PTER: variants seen among roughly 807,000 people sequenced by gnomAD.
PTER encodes the protein phosphotriesterase related, also known as N-acetyltaurine hydrolase.
PTER carries 38 observed loss-of-function variants against 29.6 expected under a neutral mutation model. The observed-to-expected ratio is 1.28, with a 90% confidence interval of 0.99 to 1.68. The LOEUF is 1.68. PTER is among the 40% of genes most tolerant of loss of function. The pLI, the probability that PTER is intolerant of heterozygous loss-of-function variation, is 0.00. For synonymous variants in PTER, 172 were observed against 154.5 expected, an observed-to-expected ratio of 1.11 and a Z score of -0.84; for missense variants, 482 against 427.8, an observed-to-expected ratio of 1.13 and a Z score of -1.12.
chr10:16,517,583 T>G (rs578065971), downstream of PTER, among the ~76,000 whole-genome samples: 1 of 152,296 alleles, frequency 6.6e-6, no homozygotes, highest in East Asian at 1.9e-4. Flanking sequence ...GTAAAGCTAT[T>G]TGAGTTGAAC....
chr10:16,487,641 C>T (rs1835753338), intron 3 of PTER, among the ~76,000 whole-genome samples: 1 of 152,114 alleles, frequency 6.6e-6, no homozygotes, highest in South Asian at 2.1e-4. Flanking sequence ...GCATAGGGGA[C>T]AGTAAAATGA....
rs1398812032 is a variant in PTER at position 16,513,456 on chromosome 10, ATATG to A, written c.*2202_*2205del. On this transcript the variant is annotated 3_prime_UTR_variant, in exon 5 of 5. Transcript: ENST00000535784. ...AAATAAAACATTTCATCTAATATATATATGTGTGTGTGAGTATATGTGTGCATGT... is the reference window on the plus strand; with the variant it reads ...AAATAAAACATTTCATCTAATATATATGTGTGTGAGTATATGTGTGCATGT... 5.3e-5 allele frequency: 8 copies of A among 150,832 alleles called. No homozygotes were observed. Among genetic ancestry groups the A allele is most frequent in the Non-Finnish European group, 8.9e-5 (6 of 67,546 alleles). 9.3% of individuals were successfully genotyped at this position (150,832 alleles called of 1,614,324 possible). A position where few individuals can be genotyped will look rare whatever the true frequency, so the allele number is the denominator to read the frequency against.
chr10:16,455,901 A>G (rs192952864), intron 1 of PTER, among the ~76,000 whole-genome samples: 20 of 152,330 alleles, frequency 1.3e-4, no homozygotes, highest in Non-Finnish European at 2.2e-4. Context: ...CACTTAGAGA[A>G]CACATCTTTA....
intron 2 of PTER, 54 bp from the exon 3 acceptor site, chr10:16,486,298 T>C: frequency 1.3e-6 from 2 of 1,482,860 alleles, no homozygotes; most frequent in Non-Finnish European, 1.8e-6. Flanking sequence ...GTGGTGGATC[T>C]ATTTTGATAA....
chr10:16,485,983 A>G (rs909271964), intron 2 of PTER, among the ~76,000 whole-genome samples: 5 of 152,116 alleles, frequency 3.3e-5, no homozygotes, highest in Admixed American at 6.6e-5. Context: ...CGGGACATAG[A>G]TTCAATTCAT....
chr10:16,518,113 C>T (rs1285583666), downstream of PTER, among the ~76,000 whole-genome samples: 1 of 152,134 alleles, frequency 6.6e-6, no homozygotes, highest in African/African-American at 2.4e-5. Flanking sequence ...GAGAGGGAAC[C>T]TGCCATTCTA....
intron 3 of PTER, among the ~76,000 whole-genome samples, chr10:16,496,899 C>T (rs2133480096): frequency 6.6e-6 from 1 of 151,720 alleles, no homozygotes; most frequent in Non-Finnish European, 1.5e-5. Context: ...GAACAGCAAG[C>T]TCCCTTTTTG....
At chr10:16,480,914 A>C (rs1835458298) in intron 1 of PTER, among the ~76,000 whole-genome samples, 1 of 152,252 alleles carries the variant, frequency 6.6e-6, no homozygotes, top group African/African-American at 2.4e-5. Context: ...TGCGTATTTT[A>C]AATAAGACAA....
chr10:16,496,213 G>T (rs1389790582), intron 3 of PTER, among the ~76,000 whole-genome samples: 1 of 152,050 alleles, frequency 6.6e-6, no homozygotes, highest in Non-Finnish European at 1.5e-5. Context: ...CTTAGTTTTG[G>T]TCCCAGATCT....
chr10:16,467,501 A>G (rs1470998514), intron 1 of PTER, among the ~76,000 whole-genome samples: 1 of 152,218 alleles, frequency 6.6e-6, no homozygotes, highest in African/African-American at 2.4e-5. Flanking sequence ...AGTTGGGTAC[A>G]GAATAATAAT....
At chr10:16,516,502 T>C (rs998081705), downstream of PTER, among the ~76,000 whole-genome samples, 90 of 152,212 alleles carry the variant, frequency 5.9e-4, no homozygotes, top group African/African-American at 2.1e-3. Context: ...ATATTAGTAA[T>C]ACATTAGTTA....
At chr10:16,516,282 A>G (rs1836950075), downstream of PTER, among the ~76,000 whole-genome samples, 1 of 152,194 alleles carries the variant, frequency 6.6e-6, no homozygotes, top group African/African-American at 2.4e-5. Flanking sequence ...TTTGACCATT[A>G]AATAATGACG....
intron 1 of PTER, chr10:16,437,423 C>G (rs1158984846): frequency 2.0e-5 from 3 of 151,610 alleles, no homozygotes; most frequent in Non-Finnish European, 4.4e-5. Context: ...ACTGCAGCCT[C>G]GACCTCCTGA....
chr10:16,480,556 G>T (rs1055143404), intron 1 of PTER, among the ~76,000 whole-genome samples: 2 of 152,100 alleles, frequency 1.3e-5, no homozygotes, highest in African/African-American at 4.8e-5. Context: ...CAAGGGCTGG[G>T]TATAACAGAG....
At chr10:16,468,743 G>A (rs1435080833) in intron 1 of PTER, among the ~76,000 whole-genome samples, 1 of 152,164 alleles carries the variant, frequency 6.6e-6, no homozygotes, top group Non-Finnish European at 1.5e-5. Flanking sequence ...GGGGGCCAAG[G>A]TGGGAGGATC....
intron 1 of PTER, among the ~76,000 whole-genome samples, chr10:16,461,112 T>G (rs1248066643): frequency 6.6e-6 from 1 of 152,180 alleles, no homozygotes; most frequent in Non-Finnish European, 1.5e-5. Flanking sequence ...TATATAAGTA[T>G]ATAGATAAAT....
At chr10:16,499,948 G>C (rs530165530) in intron 3 of PTER, among the ~76,000 whole-genome samples, 2 of 150,296 alleles carry the variant, frequency 1.3e-5, no homozygotes, top group African/African-American at 2.5e-5. Flanking sequence ...TCTGTGTTTC[G>C]TCTCAAACTC....
intron 4 of PTER, among the ~76,000 whole-genome samples, chr10:16,505,631 T>C (rs1468443094): frequency 6.6e-6 from 1 of 152,246 alleles, no homozygotes; most frequent in Middle Eastern, 3.2e-3. Context: ...CTAAATATTA[T>C]GTAAAATGAA....
chr10:16,498,720 C>G (rs1021813475), intron 3 of PTER, among the ~76,000 whole-genome samples: 2 of 152,224 alleles, frequency 1.3e-5, no homozygotes, highest in Non-Finnish European at 2.9e-5. Context: ...GACAGGACCT[C>G]TGTTTAATCC....
Sources: allele counts gnomAD v4.1 joint callset (sites outside exome capture counted in the v4.1 genomes callset), GRCh38; gene constraint gnomAD v4.1.1; transcripts MANE v1.5; gene names NCBI Gene and HGNC (gene_info 2026-07-23, HGNC 2026-07-21).